NEGR1: variants seen among roughly 807,000 people sequenced by gnomAD.
The protein encoded by NEGR1 is neuronal growth regulator 1, also known as IgLON family member 4.
In NEGR1, 10 loss-of-function variants were observed where a neutral mutation model predicts 40.9. The ratio of observed to expected loss-of-function variants is 0.24; its 90% CI spans 0.15 to 0.42. The LOEUF (loss-of-function observed/expected upper bound fraction) is 0.42, where lower values mean the gene tolerates loss of function less well. Ranked by LOEUF, NEGR1 falls within the 10% of genes least tolerant of loss-of-function variation. The pLI is 1.00. For missense variants in NEGR1, 352 were observed against 438.9 expected (o/e 0.80, Z 1.77); for synonymous variants, 185 against 166.8 (o/e 1.11, Z -0.84).
At chr1:71,629,770 A>G (rs969045905) in intron 4 of NEGR1, among the ~76,000 whole-genome samples, 1 of 152,020 alleles carries the variant, frequency 6.6e-6, no homozygotes, top group African/African-American at 2.4e-5. Flanking sequence ...ATGTCTCAGG[A>G]TACAAAATCA....
chr1:71,528,411 C>G (rs555372539), intron 6 of NEGR1, among the ~76,000 whole-genome samples: 1 of 151,392 alleles, frequency 6.6e-6, no homozygotes, highest in East Asian at 2.0e-4. Flanking sequence ...ACCTATGCTC[C>G]TAGTACTCAG....
At chr1:72,099,898 T>C (rs1648865451) in intron 1 of NEGR1, among the ~76,000 whole-genome samples, 1 of 151,728 alleles carries the variant, frequency 6.6e-6, no homozygotes, top group Admixed American at 6.6e-5. Context: ...TATATATATA[T>C]ATACACACAC....
intron 1 of NEGR1, among the ~76,000 whole-genome samples, chr1:72,038,688 C>A (rs777868565): frequency 6.6e-6 from 1 of 151,896 alleles, no homozygotes; most frequent in South Asian, 2.1e-4. Context: ...AAGCTAAGCA[C>A]ACAAAGACCT....
chr1:71,805,443 TC>T (rs1418719611), intron 2 of NEGR1, among the ~76,000 whole-genome samples: 1 of 152,142 alleles, frequency 6.6e-6, no homozygotes, highest in Non-Finnish European at 1.5e-5. Flanking sequence ...AAAATTTCTC[TC>T]TTTTGTACTC....
At chr1:72,260,939 ATGTC>A (rs1392056697) in intron 1 of NEGR1, among the ~76,000 whole-genome samples, 2 of 152,072 alleles carry the variant, frequency 1.3e-5, no homozygotes, top group East Asian at 1.9e-4. Flanking sequence ...TAAACATAAA[ATGTC>A]TGTCCATATT....
intron 2 of NEGR1, among the ~76,000 whole-genome samples, chr1:71,797,261 C>G (rs992500792): frequency 3.3e-5 from 5 of 152,118 alleles, no homozygotes; most frequent in Non-Finnish European, 5.9e-5. Flanking sequence ...AAATCTGAGA[C>G]CAAACTGATC....
intron 6 of NEGR1, among the ~76,000 whole-genome samples, chr1:71,494,323 C>T (rs1372443452): frequency 1.3e-5 from 2 of 152,158 alleles, no homozygotes; most frequent in South Asian, 4.1e-4. Context: ...GATTAAGCCC[C>T]AGTAAAAACT....
chr1:71,548,888 C>T lies in NEGR1; in HGVS notation c.940+43929G>A, dbSNP rs192808312. Among the ~76,000 whole-genome samples the T allele has an allele frequency of 2.6e-5, 4 of 151,594 alleles. No individual in the cohort carries two copies. In the East Asian group the frequency reaches 5.9e-4, roughly 22 times the overall value. On this transcript the variant is annotated intron_variant, in intron 6 of 6. Coordinates refer to ENST00000357731, the MANE Select transcript of NEGR1 (RefSeq NM_173808.3). ...CTTTGTAGAGCTGAATAACATGAGC[C>T]CCTTTGGTACAGCAAATATTGTCAA...
At chr1:72,099,336 T>G (rs544056391) in intron 1 of NEGR1, among the ~76,000 whole-genome samples, 1 of 152,016 alleles carries the variant, frequency 6.6e-6, no homozygotes, top group Non-Finnish European at 1.5e-5. Flanking sequence ...TATATTTTAG[T>G]GTATTTTATT....
chr1:71,521,058 C>A (rs903708530), intron 6 of NEGR1, among the ~76,000 whole-genome samples: 15 of 151,998 alleles, frequency 9.9e-5, no homozygotes, highest in Admixed American at 3.9e-4. Flanking sequence ...TAATTAGCAG[C>A]CCGTTAATTT....
intron 2 of NEGR1, among the ~76,000 whole-genome samples, chr1:71,920,967 G>A (rs1294202401): frequency 2.0e-5 from 3 of 152,150 alleles, no homozygotes; most frequent in Non-Finnish European, 2.9e-5. Context: ...CATTAAGGAT[G>A]CAACTGAAAT....
intron 3 of NEGR1, among the ~76,000 whole-genome samples, chr1:71,700,134 G>A (rs1040955111): frequency 6.6e-6 from 1 of 151,944 alleles, no homozygotes; most frequent in Non-Finnish European, 1.5e-5. Context: ...GATTGATCAT[G>A]TCATAAATAA....
intron 1 of NEGR1, among the ~76,000 whole-genome samples, chr1:72,087,012 C>A (rs1454022345): frequency 9.2e-5 from 14 of 152,106 alleles, no homozygotes; most frequent in Admixed American, 9.2e-4. Context: ...TTTCATTTTA[C>A]TTCAACAATG....
chr1:71,450,940 A>T (rs192277805), intron 6 of NEGR1, among the ~76,000 whole-genome samples: 1 of 152,206 alleles, frequency 6.6e-6, no homozygotes, highest in Non-Finnish European at 1.5e-5. Flanking sequence ...TTTTTAAAAA[A>T]AGTGGTAGCA....
intron 2 of NEGR1, among the ~76,000 whole-genome samples, chr1:71,902,010 C>A (rs576503567): frequency 6.6e-6 from 1 of 152,054 alleles, no homozygotes; most frequent in Middle Eastern, 3.4e-3. Context: ...CATAACACCA[C>A]AAAAGTGAAA....
At chr1:72,273,995 CTT>C (rs11383775) in intron 1 of NEGR1, among the ~76,000 whole-genome samples, 43 of 139,408 alleles carry the variant, frequency 3.1e-4, no homozygotes, top group East Asian at 2.2e-4. Context: ...ACGTGTTGTT[CTT>C]TTTTTTTTTT....
chr1:72,269,908 C>G lies in NEGR1; in HGVS notation c.176+12411G>C, dbSNP rs185087809. ...TCATTTAAACAATTTCACGTTTCTTCAACTATAGAACATACTTTCTCGATG... is the reference window on the plus strand; with the variant it reads ...TCATTTAAACAATTTCACGTTTCTTGAACTATAGAACATACTTTCTCGATG... On this transcript the variant is annotated intron_variant, in intron 1 of 6. Coordinates refer to ENST00000357731, the MANE Select transcript of NEGR1 (RefSeq NM_173808.3). Among the ~76,000 whole-genome samples the G allele has an allele frequency of 3.1e-3, 471 of 151,796 alleles. 3 individuals are homozygous for G. Among genetic ancestry groups the G allele is most frequent in the South Asian group, 0.01 (50 of 4,816 alleles).
intron 3 of NEGR1, among the ~76,000 whole-genome samples, chr1:71,752,934 G>A (rs988974656): frequency 2.0e-5 from 3 of 152,110 alleles, no homozygotes; most frequent in African/African-American, 7.2e-5. Context: ...CCCATGAGCT[G>A]GAGATTCTAA....
intron 4 of NEGR1, among the ~76,000 whole-genome samples, chr1:71,682,953 C>T (rs1652889744): frequency 1.3e-5 from 2 of 152,130 alleles, no homozygotes; most frequent in South Asian, 2.1e-4. Flanking sequence ...AGGCCCTTAC[C>T]AGAGACAGGT....
Sources: gnomAD v4.1 joint callset for allele counts (sites outside exome capture counted in the v4.1 genomes callset) on GRCh38, gnomAD v4.1.1 for gene constraint, MANE v1.5 for transcripts, NCBI Gene and HGNC (gene_info 2026-07-23, HGNC 2026-07-21) for gene names.